DOCK2: variants seen among roughly 807,000 people sequenced by gnomAD.
DOCK2 encodes dedicator of cytokinesis protein 2.
A neutral mutation model predicts 248.9 loss-of-function variants in DOCK2; 87 were observed. The ratio of observed to expected loss-of-function variants is 0.35; its 90% confidence interval spans 0.29 to 0.42. DOCK2 has a LOEUF of 0.42. Ranked by LOEUF, DOCK2 falls within the 10% of genes least tolerant of loss-of-function variation. DOCK2 has a pLI of 1.00. For missense variants in DOCK2, 1,747 were observed against 2,300.2 expected (o/e 0.76, Z 4.92); for synonymous variants, 805 against 821.6 (o/e 0.98, Z 0.35).
At chr5:169,693,169 G>A (rs546576520) in intron 9 of DOCK2, among the ~76,000 whole-genome samples, 1 of 152,270 alleles carries the variant, frequency 6.6e-6, no homozygotes, top group African/African-American at 2.4e-5. Flanking sequence ...AGGTCATTAT[G>A]AAGGAAGGAG....
intron 27 of DOCK2, among the ~76,000 whole-genome samples, chr5:169,900,580 GTCTC>G (rs1773867670): frequency 6.6e-6 from 1 of 152,160 alleles, no homozygotes. Context: ...TAAATGTCGA[GTCTC>G]TCTCCTTTGG....
chr5:169,739,992 G>C lies in DOCK2; in HGVS notation c.2268-7404G>C, dbSNP rs548768256. ...AAACATTCAATTTCTAATTATATTG[G>C]GGGGAAAAACCCTAAATACCATTTT... On this transcript the variant is annotated intron_variant, in intron 22 of 51. Coordinates refer to ENST00000520908, the MANE Select transcript of DOCK2 (RefSeq NM_004946.3). Among the ~76,000 whole-genome samples, 4 of 152,216 alleles carry C rather than the reference G, an allele frequency of 2.6e-5. No individual in the cohort carries two copies. The South Asian group carries it at 8.3e-4, about 32-fold the overall frequency.
At chr5:169,955,203 G>A (rs567309337) in intron 27 of DOCK2, among the ~76,000 whole-genome samples, 3 of 152,332 alleles carry the variant, frequency 2.0e-5, no homozygotes, top group African/African-American at 7.2e-5. Context: ...TCAAGTTAGG[G>A]TTCAGAGTGG....
In DOCK2 at chr5:169,839,602, C is replaced by T. The variant is rs780897400; in HGVS notation, c.2704-1155C>T. On this transcript the variant is annotated intron_variant, in intron 26 of 51. Transcript: ENST00000520908. ...TGCTTGAAACCCTTGCCGACTACAA[C>T]AAAAGCTCAAAAAGGATCGGCAAAT... 1.1e-4 allele frequency among the ~76,000 whole-genome samples: 16 copies of T among 152,298 alleles called. No individual in the cohort carries two copies. The South Asian group carries it at 2.3e-3, about 22-fold the overall frequency.
intron 8 of DOCK2, among the ~76,000 whole-genome samples, chr5:169,688,393 C>T (rs932251332): frequency 1.3e-5 from 2 of 152,208 alleles, no homozygotes; most frequent in Non-Finnish European, 2.9e-5. Context: ...AGGTCAGGCC[C>T]ATTTGATACA....
intron 27 of DOCK2, among the ~76,000 whole-genome samples, chr5:169,848,054 C>T (rs909698374): frequency 1.3e-5 from 2 of 152,046 alleles, no homozygotes; most frequent in Non-Finnish European, 2.9e-5. Flanking sequence ...GGCTACATGC[C>T]GTATTTTATC....
chr5:170,065,025 G>T (rs1757444269), intron 44 of DOCK2, among the ~76,000 whole-genome samples: 1 of 151,506 alleles, frequency 6.6e-6, no homozygotes, highest in South Asian at 2.1e-4. Context: ...AGATTTAAAG[G>T]CAAAAAAAAT....
chr5:169,783,452 GAT>G (rs1282890017), intron 25 of DOCK2, among the ~76,000 whole-genome samples: 1 of 152,134 alleles, frequency 6.6e-6, no homozygotes, highest in African/African-American at 2.4e-5. Flanking sequence ...GTAAAATCTG[GAT>G]TATAGTGGGG....
chr5:170,074,937 A>T (rs1301983723), intron 46 of DOCK2, among the ~76,000 whole-genome samples: 2 of 151,944 alleles, frequency 1.3e-5, no homozygotes, highest in African/African-American at 4.8e-5. Flanking sequence ...TTGGCTTCTT[A>T]TCACCACCTC....
rs762842249 is a variant in DOCK2 at position 169,699,366 on chromosome 5, C to T, written c.1056-16C>T. On this transcript the variant is annotated splice_polypyrimidine_tract_variant and intron_variant, in intron 11 of 51. Transcript: ENST00000520908. ...GGACACGATGTGGACATTTCATGCT[C>T]TCTTTTCCTTTCCAGGGTTACAGCT... is the stretch of plus-strand genomic sequence containing the variant. The T allele has an allele frequency of 1.2e-6, 2 of 1,611,966 alleles. No individual in the cohort carries two copies. The highest frequency in any genetic ancestry group is 1.7e-6 in the Non-Finnish European group (2 of 1,178,792).
intron 30 of DOCK2, among the ~76,000 whole-genome samples, chr5:170,007,521 A>G (rs1755081831): frequency 6.6e-6 from 1 of 152,230 alleles, no homozygotes; most frequent in Non-Finnish European, 1.5e-5. Flanking sequence ...AGCTTTCTGC[A>G]GTGGGTACCA....
chr5:169,964,531 G>A (rs1442234496), intron 27 of DOCK2, among the ~76,000 whole-genome samples: 3 of 152,252 alleles, frequency 2.0e-5, no homozygotes, highest in Non-Finnish European at 4.4e-5. Context: ...TGCTGGAATA[G>A]AAACCCAGCA....
chr5:170,037,727 C>T (rs1316930590), intron 36 of DOCK2, among the ~76,000 whole-genome samples: 1 of 152,124 alleles, frequency 6.6e-6, no homozygotes. Context: ...CTCAGGTGAT[C>T]CACCCACCTT....
At chr5:169,989,256 A>G (rs543332238) in intron 29 of DOCK2, among the ~76,000 whole-genome samples, 1 of 152,314 alleles carries the variant, frequency 6.6e-6, no homozygotes, top group East Asian at 1.9e-4. Flanking sequence ...CTTTTTGGTA[A>G]GCTGCAACAC....
intron 26 of DOCK2, among the ~76,000 whole-genome samples, chr5:169,810,188 C>T (rs1767650717): frequency 6.6e-6 from 1 of 152,076 alleles, no homozygotes; most frequent in Non-Finnish European, 1.5e-5. Context: ...GCGCTGAGTG[C>T]TAGCAGGGTA....
chr5:169,652,190 A>G (rs1757844984), intron 1 of DOCK2, among the ~76,000 whole-genome samples: 1 of 152,204 alleles, frequency 6.6e-6, no homozygotes, highest in Non-Finnish European at 1.5e-5. Flanking sequence ...TGGATTACAA[A>G]AAGATATCCT....
chr5:170,079,915 G>T (rs1757966411), intron 49 of DOCK2: 1 of 482,126 alleles, frequency 2.1e-6, no homozygotes. Flanking sequence ...CGATTCTAGG[G>T]GACACCATTT....
At chr5:170,041,167 G>A in intron 37 of DOCK2, 22 bp downstream of exon 37, 1 of 1,599,690 alleles carries the variant, frequency 6.3e-7, no homozygotes, top group Non-Finnish European at 8.6e-7. Context: ...TTGGGTGAAG[G>A]GCATTTATGC....
intron 2 of DOCK2, among the ~76,000 whole-genome samples, chr5:169,658,411 C>A (rs139043496): frequency 7.5e-6 from 1 of 132,626 alleles, no homozygotes. Context: ...ACCTGGGAGG[C>A]GGAGCTTGCA....
Sources: gnomAD v4.1 joint callset for allele counts (sites outside exome capture counted in the v4.1 genomes callset) on GRCh38, gnomAD v4.1.1 for gene constraint, MANE v1.5 for transcripts, NCBI Gene and HGNC (gene_info 2026-07-23, HGNC 2026-07-21) for gene names.